ANKFN1: variants seen among roughly 807,000 people sequenced by gnomAD.
ANKFN1 encodes ankyrin repeat and fibronectin type-III domain-containing protein 1.
Under a neutral mutation model 108.7 loss-of-function variants are expected in ANKFN1, and 74 were observed. That is an observed-to-expected ratio of 0.68 (90% confidence interval 0.56 to 0.83). The LOEUF (loss-of-function observed/expected upper bound fraction) is 0.83. Ranked by LOEUF, ANKFN1 falls within the 40% of genes least tolerant of loss-of-function variation. The pLI is 0.00. For missense variants in ANKFN1, 1,505 were observed against 1,382.3 expected, an observed-to-expected ratio of 1.09 and a Z score of -1.41; for synonymous variants, 547 against 516.2, an observed-to-expected ratio of 1.06 and a Z score of -0.81.
At chr17:56,124,064 A>G (rs1367210929) in intron 4 of ANKFN1, among the ~76,000 whole-genome samples, 2 of 152,134 alleles carry the variant, frequency 1.3e-5, no homozygotes. Flanking sequence ...CTTTTAATCT[A>G]GGCCTGTATT....
chr17:56,367,560 C>T (rs2046694315), intron 6 of ANKFN1, among the ~76,000 whole-genome samples: 1 of 152,174 alleles, frequency 6.6e-6, no homozygotes, highest in South Asian at 2.1e-4. Flanking sequence ...TAGCACAGAG[C>T]CTGTTTCAGG....
rs1345041876 is a variant in ANKFN1 at position 56,415,682 on chromosome 17, A to G, written c.911-24645A>G. ...TCAATGCAATCCCTATCAAAATACCAATGACATTCTTCATAGAAATAGAAA... is the reference window on the plus strand; with the variant it reads ...TCAATGCAATCCCTATCAAAATACCGATGACATTCTTCATAGAAATAGAAA... On this transcript the variant is annotated intron_variant, in intron 8 of 20. Coordinates refer to ENST00000682825, the MANE Select transcript of ANKFN1 (RefSeq NM_001370326.1). Among the ~76,000 whole-genome samples the G allele has an allele frequency of 3.3e-5, 5 of 152,334 alleles. No homozygotes were observed. In the South Asian group the frequency reaches 1.0e-3, roughly 32 times the overall value.
At chr17:56,353,130 A>G (rs1484851687) in intron 5 of ANKFN1, among the ~76,000 whole-genome samples, 1 of 152,222 alleles carries the variant, frequency 6.6e-6, no homozygotes, top group East Asian at 1.9e-4. Flanking sequence ...AAATTATTAA[A>G]GACCCTGAGG....
At chr17:56,273,477 A>C (rs1392152181) in intron 3 of ANKFN1, among the ~76,000 whole-genome samples, 1 of 152,158 alleles carries the variant, frequency 6.6e-6, no homozygotes, top group Admixed American at 6.5e-5. Flanking sequence ...GTTAAAAACA[A>C]TGGAAATTTT....
chr17:56,244,152 T>C (rs1429932140), intron 3 of ANKFN1, among the ~76,000 whole-genome samples: 1 of 152,152 alleles, frequency 6.6e-6, no homozygotes, highest in Non-Finnish European at 1.5e-5. Context: ...TGATGAGCTT[T>C]CTTTCTCTAC....
intron 4 of ANKFN1, among the ~76,000 whole-genome samples, chr17:56,148,469 G>A (rs112720108): frequency 1.3e-5 from 2 of 152,164 alleles, no homozygotes; most frequent in Admixed American, 6.5e-5. Context: ...ACATGTTTCC[G>A]CTCTGCCATG....
intron 3 of ANKFN1, among the ~76,000 whole-genome samples, chr17:56,286,747 C>G (rs960433288): frequency 5.9e-5 from 9 of 152,120 alleles, no homozygotes; most frequent in Admixed American, 5.2e-4. Context: ...TGCCAAGATT[C>G]AAGAGCAAAG....
intron 6 of ANKFN1, among the ~76,000 whole-genome samples, chr17:56,356,206 A>C (rs145392595): frequency 1.3e-5 from 2 of 152,248 alleles, no homozygotes; most frequent in African/African-American, 4.8e-5. Flanking sequence ...TTTTCTGAGC[A>C]CTTTCCATGT....
intron 1 of ANKFN1, among the ~76,000 whole-genome samples, chr17:56,209,292 G>A (rs1914781973): frequency 6.6e-6 from 1 of 152,036 alleles, no homozygotes; most frequent in Admixed American, 6.6e-5. Context: ...AGAGAAAGAG[G>A]AAATCCTTTA....
chr17:56,112,868 A>G (rs1906045307), intron 4 of ANKFN1, among the ~76,000 whole-genome samples: 1 of 152,222 alleles, frequency 6.6e-6, no homozygotes, highest in Non-Finnish European at 1.5e-5. Flanking sequence ...AATAACAAAT[A>G]TGTATCAGAT....
Position 56,514,122 on chromosome 17 carries a change from A to C in ANKFN1, c.*2853A>C, listed in dbSNP as rs1051620778. Among the ~76,000 whole-genome samples the C allele has an allele frequency of 6.6e-6, 1 of 152,286 alleles. No individual in the cohort carries two copies. The highest frequency in any genetic ancestry group is 1.5e-5 in the Non-Finnish European group (1 of 68,018). Reference sequence around the variant, plus strand: ...TGTCTTTCACTCTTTTTTTAATCCAATATGAGAGCCTCTGAAGGAAACTGT... The same window carrying C: ...TGTCTTTCACTCTTTTTTTAATCCACTATGAGAGCCTCTGAAGGAAACTGT... On this transcript the variant is annotated 3_prime_UTR_variant, in exon 21 of 21. Coordinates refer to ENST00000682825, the MANE Select transcript of ANKFN1 (RefSeq NM_001370326.1).
chr17:56,308,389 A>G (rs949097397), intron 3 of ANKFN1, among the ~76,000 whole-genome samples: 6 of 152,164 alleles, frequency 3.9e-5, no homozygotes, highest in Non-Finnish European at 8.8e-5. Context: ...TGATTTTTGT[A>G]TGTTCATCTC....
At chr17:56,320,567 G>A (rs1244157931) in intron 3 of ANKFN1, among the ~76,000 whole-genome samples, 2 of 152,112 alleles carry the variant, frequency 1.3e-5, no homozygotes, top group Non-Finnish European at 2.9e-5. Context: ...GGCATGGTGT[G>A]GGGGATCCTG....
Position 56,466,394 on chromosome 17 carries a change from T to C in ANKFN1, c.1596T>C (p.Tyr532=). 6.2e-7 allele frequency: 1 copy of C among 1,614,194 alleles called. No individual in the cohort carries two copies. The highest frequency in any genetic ancestry group is 8.5e-7 in the Non-Finnish European group (1 of 1,180,022). Residue 532 remains tyrosine, a synonymous_variant, in exon 15 of 21, where the codon TAT becomes TAC. Transcript: ENST00000682825. ...LGTHNLGRVY[Y]EPIKDRHGNI... ...CACACAACTTGGGAAGAGTTTACTA[T>C]GAGCCCATTAAAGATCGACATGGAA...
chr17:56,464,051 T>A (rs1407405820), intron 14 of ANKFN1: 1 of 152,238 alleles, frequency 6.6e-6, no homozygotes, highest in Non-Finnish European at 1.5e-5. Flanking sequence ...TAACATGGTC[T>A]ATTTTTGCTT....
intron 8 of ANKFN1, among the ~76,000 whole-genome samples, chr17:56,426,176 T>C (rs567249602): frequency 4.6e-5 from 7 of 152,342 alleles, no homozygotes; most frequent in Non-Finnish European, 1.0e-4. Context: ...ACTCCCAAGA[T>C]TTAATCCTGG....
intron 4 of ANKFN1, among the ~76,000 whole-genome samples, chr17:56,091,292 G>A (rs1337350973): frequency 6.6e-6 from 1 of 151,048 alleles, no homozygotes; most frequent in South Asian, 2.1e-4. Flanking sequence ...GAAACTGTAG[G>A]CATGATACAA....
chr17:56,454,522 A>T (rs1166757780), intron 11 of ANKFN1, among the ~76,000 whole-genome samples: 2 of 152,188 alleles, frequency 1.3e-5, no homozygotes, highest in Non-Finnish European at 2.9e-5. Context: ...GAATGCTCAG[A>T]TTTCAGAGAA....
intron 8 of ANKFN1, among the ~76,000 whole-genome samples, chr17:56,375,486 C>T (rs1454065443): frequency 2.0e-5 from 3 of 151,968 alleles, no homozygotes; most frequent in Admixed American, 6.6e-5. Context: ...GAATGAGGCT[C>T]GAAATTAAGG....
Sources: gnomAD v4.1 joint callset for allele counts (sites outside exome capture counted in the v4.1 genomes callset) on GRCh38, gnomAD v4.1.1 for gene constraint, MANE v1.5 for transcripts, NCBI Gene and HGNC (gene_info 2026-07-23, HGNC 2026-07-21) for gene names.